ANKRD36C: variants seen among roughly 807,000 people sequenced by gnomAD.
ANKRD36C encodes the protein ankyrin repeat domain 36C.
ANKRD36C carries 61 observed loss-of-function variants against 276.4 expected under a neutral mutation model. The ratio of observed to expected loss-of-function variants is 0.22; its 90% CI spans 0.18 to 0.27. The LOEUF is 0.27. Ranked by LOEUF, ANKRD36C falls within the 10% of genes least tolerant of loss-of-function variation. The pLI is 1.00. For synonymous variants in ANKRD36C, 483 were observed against 680.1 expected (o/e 0.71, Z 4.51); for missense variants, 1,447 against 2,032.3 (o/e 0.71, Z 5.54).
chr2:95,967,206 G>A (rs1678609750), intron 6 of ANKRD36C, among the ~76,000 whole-genome samples: 1 of 152,036 alleles, frequency 6.6e-6, no homozygotes, highest in Non-Finnish European at 1.5e-5. Context: ...GAGTGAAGAG[G>A]CAACCTACAG....
chr2:95,946,874 C>A (rs1213935661), intron 17 of ANKRD36C, among the ~76,000 whole-genome samples: 2 of 143,626 alleles, frequency 1.4e-5, no homozygotes, highest in African/African-American at 5.3e-5. Context: ...CACATGGATA[C>A]AGGAAGGGGA....
intron 3 of ANKRD36C, among the ~76,000 whole-genome samples, chr2:95,983,491 G>C (rs543411863): frequency 6.6e-6 from 1 of 151,536 alleles, no homozygotes; most frequent in Non-Finnish European, 1.5e-5. Context: ...ATATCAATCA[G>C]AAATAAAAAC....
At chr2:95,955,881 C>T (rs1275047620) in intron 13 of ANKRD36C, among the ~76,000 whole-genome samples, 3 of 152,210 alleles carry the variant, frequency 2.0e-5, no homozygotes, top group Non-Finnish European at 4.4e-5. Context: ...ATTCTAAGCA[C>T]CTCTGATTGT....
At chr2:95,856,042 C>A (rs778123821) in exon 63 of ANKRD36C, 1 of 1,608,356 alleles carries the variant, frequency 6.2e-7, no homozygotes, top group South Asian at 1.1e-5. Context: ...TTTCTTTTCA[C>A]AATTTCAAAG....
At position 95,981,296 on chromosome 2, in the gene ANKRD36C, T is replaced by C. The variant is rs547383849; in HGVS notation, c.594-511A>G. On this transcript the variant is annotated intron_variant, in intron 4 of 66. Transcript: ENST00000456556. The stretch of plus-strand genomic sequence containing the variant: ...ATAAATATATGTATATGGAGGATAA[T>C]AATATATCCTTCAAGGGTGGTTGTG... 9.4e-5 allele frequency among the ~76,000 whole-genome samples: 14 copies of C among 149,570 alleles called. No homozygotes were observed. The East Asian group carries it at 2.5e-3, about 27-fold the overall frequency.
intron 28 of ANKRD36C, 25 bp downstream of exon 28, chr2:95,927,189 C>T: frequency 6.2e-7 from 1 of 1,608,648 alleles, no homozygotes; most frequent in Non-Finnish European, 8.5e-7. Context: ...CTGAACATGA[C>T]ATTAAATGTG....
intron 44 of ANKRD36C, among the ~76,000 whole-genome samples, chr2:95,892,550 A>G (rs1326081630): frequency 6.6e-6 from 1 of 151,586 alleles, no homozygotes; most frequent in African/African-American, 2.4e-5. Flanking sequence ...GCCTCAATAA[A>G]AATATCATCA....
exon 63 of ANKRD36C, chr2:95,855,733 C>G (rs200660194): frequency 6.2e-7 from 1 of 1,613,538 alleles, no homozygotes; most frequent in Admixed American, 1.7e-5. Flanking sequence ...AGAATCAGAA[C>G]ATGAGAATTC....
chr2:95,873,823 A>G (rs1428272224), intron 59 of ANKRD36C, among the ~76,000 whole-genome samples: 1 of 152,268 alleles, frequency 6.6e-6, no homozygotes, highest in Non-Finnish European at 1.5e-5. Context: ...CAGCAACTTC[A>G]GCAAAGTCTC....
intron 64 of ANKRD36C, chr2:95,852,957 T>C (rs1185743998): frequency 3.9e-5 from 6 of 152,304 alleles, no homozygotes; most frequent in African/African-American, 9.7e-5. Flanking sequence ...CCATTAAACA[T>C]GCCAAAGGAG....
intron 59 of ANKRD36C, among the ~76,000 whole-genome samples, chr2:95,873,627 A>G (rs1243838616): frequency 2.0e-5 from 3 of 152,374 alleles, no homozygotes; most frequent in Non-Finnish European, 4.4e-5. Context: ...CAAGACAGGG[A>G]TGCCCTCTCT....
intron 24 of ANKRD36C, among the ~76,000 whole-genome samples, chr2:95,934,008 A>G (rs1677644885): frequency 6.6e-6 from 1 of 152,300 alleles, no homozygotes; most frequent in Non-Finnish European, 1.5e-5. Flanking sequence ...AAAAAGGCTC[A>G]TGATCACTGA....
chr2:95,914,115 A>T, exon 40 of ANKRD36C: 1 of 1,567,918 alleles, frequency 6.4e-7, no homozygotes, highest in Non-Finnish European at 8.7e-7. Flanking sequence ...TACCTCTCCT[A>T]GTTTTTTCTC....
chr2:95,976,597 G>A (rs951707419), intron 6 of ANKRD36C, among the ~76,000 whole-genome samples: 2 of 152,126 alleles, frequency 1.3e-5, no homozygotes, highest in Non-Finnish European at 2.9e-5. Context: ...GTGGGCACAT[G>A]TACTCAGAAG....
At chr2:95,915,810 A>C (rs1184640877) in intron 38 of ANKRD36C, among the ~76,000 whole-genome samples, 170 bp downstream of exon 40, 1 of 151,578 alleles carries the variant, frequency 6.6e-6, no homozygotes, top group Non-Finnish European at 1.5e-5. Context: ...AGCGAAGATC[A>C]TGTTCCAGAC....
exon 60 of ANKRD36C, chr2:95,867,452 T>C: frequency 1.4e-6 from 2 of 1,385,914 alleles, no homozygotes; most frequent in African/African-American, 1.4e-5. Flanking sequence ...TTACACTTCA[T>C]TTCATGTTGA....
chr2:95,971,106 T>G (rs1301245230), intron 6 of ANKRD36C, among the ~76,000 whole-genome samples: 1 of 152,132 alleles, frequency 6.6e-6, no homozygotes, highest in African/African-American at 2.4e-5. Context: ...AGATATCCAC[T>G]ATGTTATCCT....
chr2:95,891,475 C>A (rs568308298), intron 46 of ANKRD36C, among the ~76,000 whole-genome samples, 190 bp downstream of exon 66: 6 of 151,530 alleles, frequency 4.0e-5, no homozygotes, highest in South Asian at 2.1e-4. Flanking sequence ...GAAGTGTATA[C>A]TCTTACTGCG....
chr2:95,860,773 G>A (rs1468640917), intron 60 of ANKRD36C, among the ~76,000 whole-genome samples: 2 of 152,108 alleles, frequency 1.3e-5, no homozygotes, highest in Non-Finnish European at 2.9e-5. Context: ...TGATGAAGCT[G>A]AGAGGCCAGT....
Sources: allele counts gnomAD v4.1 joint callset (sites outside exome capture counted in the v4.1 genomes callset), GRCh38; gene constraint gnomAD v4.1.1; transcripts MANE v1.5; gene names NCBI Gene and HGNC (gene_info 2026-07-23, HGNC 2026-07-21).